HMGB1: variants seen among roughly 807,000 people sequenced by gnomAD.
The protein encoded by HMGB1 is high mobility group protein B1.
For missense variants in HMGB1, 79 were observed against 253.5 expected (o/e 0.31, Z 4.67); for synonymous variants, 81 against 84.0 (o/e 0.96, Z 0.19).
intron 1 of HMGB1, among the ~76,000 whole-genome samples, chr13:30,609,540 C>T (rs1950494535): frequency 6.6e-6 from 1 of 152,176 alleles, no homozygotes; most frequent in Non-Finnish European, 1.5e-5. Context: ...TCCCTCCCTA[C>T]ATGCTCCTGC....
intron 1 of HMGB1, among the ~76,000 whole-genome samples, chr13:30,509,790 T>C (rs1003389730): frequency 1.3e-5 from 2 of 152,212 alleles, no homozygotes; most frequent in Admixed American, 1.3e-4. Context: ...GCATATTCAC[T>C]GGATCTAAAA....
intron 1 of HMGB1, among the ~76,000 whole-genome samples, chr13:30,581,887 C>A (rs1053132212): frequency 6.6e-6 from 1 of 152,128 alleles, no homozygotes; most frequent in Non-Finnish European, 1.5e-5. Context: ...TTCAGTAAGT[C>A]TCAAGACTTT....
At chr13:30,565,038 A>G (rs554989786) in intron 1 of HMGB1, among the ~76,000 whole-genome samples, 5 of 152,298 alleles carry the variant, frequency 3.3e-5, no homozygotes, top group African/African-American at 1.2e-4. Flanking sequence ...CTTTACATAG[A>G]TTATCTCTTA....
intron 1 of HMGB1, among the ~76,000 whole-genome samples, chr13:30,547,268 G>A (rs565025821): frequency 2.7e-4 from 41 of 152,300 alleles, no homozygotes; most frequent in Non-Finnish European, 5.7e-4. Context: ...CTACAGGTAA[G>A]GCACTGCTCC....
intron 1 of HMGB1, among the ~76,000 whole-genome samples, chr13:30,613,228 T>C (rs1466153329): frequency 1.3e-5 from 2 of 152,130 alleles, no homozygotes; most frequent in African/African-American, 4.8e-5. Flanking sequence ...TACAGGCATG[T>C]GCCACCACAC....
chr13:30,614,219 AT>A lies in HMGB1; in HGVS notation c.-15+2451del, dbSNP rs1345568821. ...CTGAGTATCCTTTTGTACCTTTTGA[AT>A]TTTGAACCACGTGAATGAATGTGTT... On this transcript the variant is annotated intron_variant, in intron 1 of 4. Transcript: ENST00000405805. Among the ~76,000 whole-genome samples, 2 of 152,208 alleles carry A rather than the reference AT, an allele frequency of 1.3e-5. 1 individual carries two copies. The highest frequency in any genetic ancestry group is 4.8e-5 in the African/African-American group (2 of 41,450).
intron 1 of HMGB1, among the ~76,000 whole-genome samples, chr13:30,570,388 T>C (rs1870375577): frequency 2.0e-5 from 3 of 152,268 alleles, no homozygotes; most frequent in African/African-American, 7.2e-5. Flanking sequence ...TTTTAGGTAT[T>C]GCAAAACTGC....
chr13:30,469,788 G>A (rs1182133713), upstream of HMGB1, among the ~76,000 whole-genome samples: 2 of 152,102 alleles, frequency 1.3e-5, no homozygotes, highest in East Asian at 1.9e-4. Context: ...GTGCCACCAC[G>A]CCCAGCTTAT....
At chr13:30,592,491 T>A (rs966972472) in intron 1 of HMGB1, among the ~76,000 whole-genome samples, 1 of 152,348 alleles carries the variant, frequency 6.6e-6, no homozygotes, top group Admixed American at 6.5e-5. Flanking sequence ...GAAGTATCTT[T>A]AGTAGTACTC....
rs9506333 is a variant in HMGB1 at position 30,538,638 on chromosome 13, T to C, written c.-14-74944A>G. Among the ~76,000 whole-genome samples, 43 of 121,426 alleles carry C rather than the reference T, an allele frequency of 3.5e-4. 4 individuals are homozygous for C. In the East Asian group the frequency reaches 7.1e-3, roughly 20 times the overall value. The allele number at this position is 121,426 out of a possible 152,430, so 79.7% of individuals were successfully genotyped here. On this transcript the variant is annotated intron_variant, in intron 1 of 4. Coordinates refer to the HMGB1 transcript ENST00000405805. ...CTTTCTCTCTCTCTTTCTTTTTCTTTCTTCCTTTCTTTCTTTCTTTCTTTC... is the reference window on the plus strand; with the variant it reads ...CTTTCTCTCTCTCTTTCTTTTTCTTCCTTCCTTTCTTTCTTTCTTTCTTTC...
chr13:30,600,536 A>G (rs1950388505), intron 1 of HMGB1, among the ~76,000 whole-genome samples: 1 of 152,208 alleles, frequency 6.6e-6, no homozygotes, highest in African/African-American at 2.4e-5. Flanking sequence ...TATTTTAGAA[A>G]TCATCTCAAT....
At chr13:30,495,668 C>T (rs951607575) in intron 1 of HMGB1, among the ~76,000 whole-genome samples, 60 of 152,034 alleles carry the variant, frequency 3.9e-4, no homozygotes, top group African/African-American at 1.3e-3. Flanking sequence ...TTAATAGAGA[C>T]GGGGTTTCAC....
chr13:30,557,705 A>G (rs1869748086), intron 1 of HMGB1, among the ~76,000 whole-genome samples: 1 of 152,248 alleles, frequency 6.6e-6, no homozygotes, highest in African/African-American at 2.4e-5. Flanking sequence ...GATTTCATTA[A>G]CCATCACAAA....
intron 1 of HMGB1, among the ~76,000 whole-genome samples, chr13:30,474,748 GTCTC>G (rs1027582809): frequency 3.7e-4 from 53 of 141,642 alleles, no homozygotes; most frequent in Non-Finnish European, 5.3e-4. Flanking sequence ...GAGCGAGATG[GTCTC>G]TCTCTCCTTT....
intron 1 of HMGB1, among the ~76,000 whole-genome samples, chr13:30,531,483 G>T (rs573336584): frequency 6.7e-6 from 1 of 149,756 alleles, no homozygotes; most frequent in Admixed American, 6.7e-5. Flanking sequence ...CTAACTACTC[G>T]GAACTGCTAT....
intron 1 of HMGB1, among the ~76,000 whole-genome samples, chr13:30,597,294 C>T (rs1179864193): frequency 7.2e-5 from 11 of 152,058 alleles, no homozygotes; most frequent in Non-Finnish European, 1.5e-4. Flanking sequence ...AGGCAGAGAC[C>T]GGGGCGGTAC....
Position 30,612,291 on chromosome 13 carries a change from A to G in HMGB1, c.-15+4380T>C, listed in dbSNP as rs112259084. 4.6e-3 allele frequency among the ~76,000 whole-genome samples: 701 copies of G among 152,314 alleles called. 2 individuals carry two copies. Among genetic ancestry groups the G allele is most frequent in the Non-Finnish European group, 7.4e-3 (503 of 68,024 alleles). ...CAAACAGGTGGTGAGAAAGAATTAG[A>G]GTAGGGGTAGAGGACAGAGGGCTCC... is the stretch of plus-strand genomic sequence containing the variant. On this transcript the variant is annotated intron_variant, in intron 1 of 4. Transcript: ENST00000405805.
chr13:30,457,786 T>A lies in HMGB1; in HGVS notation c.*3571A>T, dbSNP rs567674384. On this transcript the variant is annotated 3_prime_UTR_variant, in exon 5 of 5. Transcript: ENST00000341423. ...TTCTATAACAGAGCACTATTTTGCCTCATTACTCTGGGAGCAATGTGGCAT... is the reference window on the plus strand; with the variant it reads ...TTCTATAACAGAGCACTATTTTGCCACATTACTCTGGGAGCAATGTGGCAT... The A allele has an allele frequency of 1.1e-4, 17 of 152,312 alleles. No homozygotes were observed. In the East Asian group the frequency reaches 3.3e-3, roughly 29 times the overall value. The allele number at this position is 152,312 out of a possible 1,614,324, so 9.4% of individuals were successfully genotyped here. A position where few individuals can be genotyped will look rare whatever the true frequency, so the allele number is the denominator to read the frequency against.
intron 1 of HMGB1, among the ~76,000 whole-genome samples, chr13:30,606,978 A>G (rs1950466152): frequency 6.6e-6 from 1 of 152,188 alleles, no homozygotes; most frequent in Non-Finnish European, 1.5e-5. Context: ...ATATTTTAAG[A>G]AATAAATTAT....
Sources: allele counts gnomAD v4.1 joint callset (sites outside exome capture counted in the v4.1 genomes callset), GRCh38; gene constraint gnomAD v4.1.1; transcripts MANE v1.5; gene names NCBI Gene and HGNC (gene_info 2026-07-23, HGNC 2026-07-21).